FBN2: variants seen among roughly 807,000 people sequenced by gnomAD.
FBN2 encodes fibrillin-2.
In FBN2, 105 loss-of-function variants were observed where a neutral mutation model predicts 355.6. That is an observed-to-expected ratio of 0.30 (90% CI 0.25 to 0.35). FBN2 has a LOEUF of 0.35. FBN2 is among the 10% of genes least tolerant of loss of function. The pLI is 1.00. For synonymous variants in FBN2, 1,350 were observed against 1,301.2 expected, an observed-to-expected ratio of 1.04 and a Z score of -0.81; for missense variants, 3,280 against 3,758.7, an observed-to-expected ratio of 0.87 and a Z score of 3.33.
chr5:128,418,863 G>A (rs1276640668), intron 7 of FBN2, among the ~76,000 whole-genome samples: 1 of 152,118 alleles, frequency 6.6e-6, no homozygotes, highest in African/African-American at 2.4e-5. Context: ...TTTAAGATTA[G>A]TTCTTCAATT....
intron 7 of FBN2, among the ~76,000 whole-genome samples, chr5:128,420,148 T>C (rs971542940): frequency 2.0e-5 from 3 of 152,246 alleles, no homozygotes; most frequent in Non-Finnish European, 4.4e-5. Flanking sequence ...ATTCTTATTT[T>C]ACTTGGGAGA....
intron 7 of FBN2, among the ~76,000 whole-genome samples, chr5:128,410,292 G>T (rs1009179473): frequency 5.3e-5 from 8 of 152,170 alleles, no homozygotes; most frequent in Non-Finnish European, 1.2e-4. Context: ...CTATCTTAGT[G>T]CAGTGCATCT....
At position 128,336,213 on chromosome 5, in the gene FBN2, G is replaced by T. The variant is rs891159844; in HGVS notation, c.3599-100C>A. 4 of 1,173,660 alleles carry T rather than the reference G, an allele frequency of 3.4e-6. No homozygotes were observed. In the African/African-American group the frequency reaches 4.5e-5, roughly 13 times the overall value. The allele number at this position is 1,173,660 out of a possible 1,614,324, so 72.7% of individuals were successfully genotyped here. On this transcript the variant is annotated intron_variant, in intron 27 of 64. Coordinates refer to ENST00000262464, the MANE Select transcript of FBN2 (RefSeq NM_001999.4). ...AGCAGTGGTCTCCAAAGGGGTTTGT[G>T]TACTTCACGAGGAAGTAAAATGTTC...
chr5:128,378,975 G>T (rs1330039370), intron 11 of FBN2, 85 bp from the exon 12 acceptor site: 2 of 1,461,802 alleles, frequency 1.4e-6, no homozygotes, highest in African/African-American at 1.4e-5. Flanking sequence ...TCTAAAGTTT[G>T]AGAGAAGGCC....
intron 34 of FBN2, among the ~76,000 whole-genome samples, chr5:128,319,419 A>G (rs1297352013): frequency 2.5e-5 from 3 of 117,942 alleles, no homozygotes; most frequent in Non-Finnish European, 3.6e-5. Context: ...TTATATTATG[A>G]AAAAACAAAT....
At chr5:128,416,022 T>C in intron 7 of FBN2, among the ~76,000 whole-genome samples, 1 of 151,744 alleles carries the variant, frequency 6.6e-6, no homozygotes, top group East Asian at 1.9e-4. Flanking sequence ...GTCCATAGTT[T>C]GCACTTTTTT....
chr5:128,530,772 A>G (rs1197211538), intron 2 of FBN2, 79 bp from the exon 3 acceptor site: 8 of 966,550 alleles, frequency 8.3e-6, no homozygotes, highest in African/African-American at 1.6e-5. Flanking sequence ...GCTGTATTTA[A>G]AAATAAAAAG....
intron 62 of FBN2, among the ~76,000 whole-genome samples, chr5:128,271,771 T>G (rs1013916949): frequency 3.3e-5 from 5 of 152,162 alleles, no homozygotes; most frequent in Non-Finnish European, 7.3e-5. Context: ...TGAAGTAACC[T>G]CTAGTTAAGT....
chr5:128,425,913 T>G (rs959849212), intron 7 of FBN2, among the ~76,000 whole-genome samples: 1 of 152,202 alleles, frequency 6.6e-6, no homozygotes, highest in Non-Finnish European at 1.5e-5. Context: ...CAGTTTACAT[T>G]CATATGTACC....
intron 5 of FBN2, among the ~76,000 whole-genome samples, chr5:128,476,631 T>C (rs1397087455): frequency 1.3e-5 from 2 of 151,130 alleles, no homozygotes; most frequent in East Asian, 3.9e-4. Context: ...CAAAAACTTT[T>C]AGAAATACAA....
At position 128,259,328 on chromosome 5, in the gene FBN2, TA is replaced by T; in HGVS notation, c.*126del. 2 of 1,259,064 alleles carry T rather than the reference TA, an allele frequency of 1.6e-6. No homozygotes were observed. Among genetic ancestry groups the T allele is most frequent in the Non-Finnish European group, 2.3e-6 (2 of 863,168 alleles). 78.0% of individuals were successfully genotyped at this position (1,259,064 alleles called of 1,614,324 possible). ...CCTGTGAGGGTCAACATTCAAAGTC[TA>T]AGACAGGGAGGAAAGAAACAAGAGT... On this transcript the variant is annotated 3_prime_UTR_variant, in exon 65 of 65. Coordinates refer to ENST00000262464, the MANE Select transcript of FBN2 (RefSeq NM_001999.4).
intron 46 of FBN2, 95 bp from the exon 47 acceptor site, chr5:128,301,605 T>G: frequency 8.1e-7 from 1 of 1,228,936 alleles, no homozygotes; most frequent in Non-Finnish European, 1.2e-6. Flanking sequence ...TTGGCATGCA[T>G]TTATAAGAAA....
Position 128,278,645 on chromosome 5 carries a change from A to G in FBN2, c.7335T>C (p.Thr2445=). 1 of 1,613,834 alleles carries G rather than the reference A, an allele frequency of 6.2e-7. No individual in the cohort carries two copies. The highest frequency in any genetic ancestry group is 8.5e-7 in the Non-Finnish European group (1 of 1,179,766). Reference sequence around the variant, plus strand: ...TCCTCAACTCCTTACCTCTTCCATCAGTTGTATATCCTGGGCCATGAGGAC... The same window carrying G: ...TCCTCAACTCCTTACCTCTTCCATCGGTTGTATATCCTGGGCCATGAGGAC... ...KICPHGPGYT[T]DGRDIDECKV... is the part of the protein sequence containing the mutation. Residue 2445 remains threonine (T), a synonymous_variant, in exon 57 of 65, where the codon ACT becomes ACC. Transcript: ENST00000262464.
chr5:128,262,497 G>A (rs2126794500), intron 63 of FBN2, among the ~76,000 whole-genome samples: 1 of 152,304 alleles, frequency 6.6e-6, no homozygotes, highest in Non-Finnish European at 1.5e-5. Flanking sequence ...GAAGGTAAAA[G>A]TAAGGTATGA....
At chr5:128,438,405 C>A (rs1416117884) in intron 7 of FBN2, among the ~76,000 whole-genome samples, 1 of 152,194 alleles carries the variant, frequency 6.6e-6, no homozygotes, top group Non-Finnish European at 1.5e-5. Flanking sequence ...TACTTCAAGT[C>A]ACTAAATATA....
At chr5:128,344,074 A>G (rs970948093) in intron 25 of FBN2, among the ~76,000 whole-genome samples, 3 of 152,092 alleles carry the variant, frequency 2.0e-5, no homozygotes, top group Non-Finnish European at 2.9e-5. Context: ...CTTAAAATAA[A>G]TAAATAAATA....
chr5:128,457,434 ATTC>A (rs1754423549), intron 6 of FBN2, among the ~76,000 whole-genome samples: 6 of 152,206 alleles, frequency 3.9e-5, no homozygotes, highest in Non-Finnish European at 5.9e-5. Context: ...CAACAGGCAA[ATTC>A]AGGAAATACA....
intron 5 of FBN2, among the ~76,000 whole-genome samples, chr5:128,481,971 T>C (rs371609445): frequency 4.0e-4 from 61 of 152,312 alleles, no homozygotes; most frequent in East Asian, 3.3e-3. Context: ...TATGTAATTA[T>C]ACATTTTGGG....
At chr5:128,518,792 G>A (rs1756353914) in intron 5 of FBN2, among the ~76,000 whole-genome samples, 1 of 152,172 alleles carries the variant, frequency 6.6e-6, no homozygotes, top group East Asian at 1.9e-4. Flanking sequence ...AAGAGAAACA[G>A]AGTAACAGGG....
Sources: gnomAD v4.1 joint callset for allele counts (sites outside exome capture counted in the v4.1 genomes callset) on GRCh38, gnomAD v4.1.1 for gene constraint, MANE v1.5 for transcripts, NCBI Gene and HGNC (gene_info 2026-07-23, HGNC 2026-07-21) for gene names.